The following EIF3D variants were observed in gnomAD, a reference collection of about 807,000 sequenced individuals.
The protein encoded by EIF3D is eukaryotic translation initiation factor 3 subunit D.
EIF3D carries 10 observed loss-of-function variants against 75.4 expected under a neutral mutation model. That is an observed-to-expected ratio of 0.13 (90% CI 0.08 to 0.22). EIF3D has a LOEUF of 0.22. EIF3D is among the 10% of genes least tolerant of loss of function. The pLI is 1.00. For synonymous variants in EIF3D, 246 were observed against 248.3 expected (o/e 0.99, Z 0.09); for missense variants, 394 against 708.0 (o/e 0.56, Z 5.03).
In EIF3D at chr22:36,527,322, GC is replaced by G. The variant is rs1934620772; in HGVS notation, c.-10-1192del. Among the ~76,000 whole-genome samples the G allele has an allele frequency of 2.0e-5, 3 of 152,322 alleles. No homozygotes were observed. The South Asian group carries it at 6.2e-4, about 32-fold the overall frequency. The stretch of plus-strand genomic sequence containing the variant: ...CAAAGCACAGAGAAATGAAGAAATT[GC>G]CCAAAGTTGAAATGCTAGTGGATGA... On this transcript the variant is annotated intron_variant, in intron 1 of 14. Coordinates refer to ENST00000216190, the MANE Select transcript of EIF3D (RefSeq NM_003753.4).
In EIF3D at chr22:36,510,929, G is replaced by A; in HGVS notation, c.*58C>T. ...GCAAGTTAGACACACATTCCACTAA[G>A]CATCAAAGGCCCTCGTAGTCTCGGT... On this transcript the variant is annotated 3_prime_UTR_variant, in exon 15 of 15. Coordinates refer to ENST00000216190, the MANE Select transcript of EIF3D (RefSeq NM_003753.4). 6.4e-7 allele frequency: 1 copy of A among 1,556,890 alleles called. No individual in the cohort carries two copies.
intron 6 of EIF3D, among the ~76,000 whole-genome samples, chr22:36,521,539 T>C (rs762483122): frequency 5.9e-5 from 9 of 152,052 alleles, no homozygotes; most frequent in Non-Finnish European, 1.2e-4. Flanking sequence ...AGTCAAAAAG[T>C]GAAAAACAAC....
chr22:36,515,453 G>A (rs944592226), intron 12 of EIF3D, among the ~76,000 whole-genome samples: 4 of 152,122 alleles, frequency 2.6e-5, no homozygotes, highest in African/African-American at 7.2e-5. Flanking sequence ...GCTTGAGCCC[G>A]GGAGGTAGAG....
At chr22:36,514,367 G>A (rs541215600) in intron 12 of EIF3D, among the ~76,000 whole-genome samples, 6 of 152,198 alleles carry the variant, frequency 3.9e-5, no homozygotes, top group South Asian at 2.1e-4. Context: ...CCTTGACTAC[G>A]GGCAGAACCT....
chr22:36,521,648 T>A (rs571996889), intron 6 of EIF3D, among the ~76,000 whole-genome samples: 2 of 151,908 alleles, frequency 1.3e-5, no homozygotes, highest in African/African-American at 4.8e-5. Context: ...TCATCTGGGC[T>A]GGGTGTGGTG....
intron 12 of EIF3D, among the ~76,000 whole-genome samples, chr22:36,513,545 C>T (rs565797463): frequency 2.0e-5 from 3 of 152,242 alleles, no homozygotes; most frequent in African/African-American, 7.2e-5. Context: ...TCAGGTGATC[C>T]ACTCGCCCCG....
intron 13 of EIF3D, among the ~76,000 whole-genome samples, 169 bp downstream of exon 13, chr22:36,512,291 T>G (rs1246593125): frequency 6.6e-6 from 1 of 152,366 alleles, no homozygotes; most frequent in East Asian, 1.9e-4. Flanking sequence ...CCATTCAGCA[T>G]GCCTGCTGTT....
At chr22:36,511,821 G>A in intron 13 of EIF3D, 35 bp from the exon 14 acceptor site, 2 of 1,596,834 alleles carry the variant, frequency 1.3e-6, no homozygotes, top group Non-Finnish European at 1.7e-6. Context: ...GTCAGAGCAG[G>A]GCAGCACAGA....
At chr22:36,515,894 C>T (rs1056864391) in intron 12 of EIF3D, among the ~76,000 whole-genome samples, 2 of 7,558 alleles carry the variant, frequency 2.6e-4, no homozygotes, top group Non-Finnish European at 5.1e-4. Flanking sequence ...GTGATGTGGG[C>T]GGGGGGGCGG....
intron 2 of EIF3D, 50 bp from the exon 3 acceptor site, chr22:36,525,759 T>C: frequency 6.3e-7 from 1 of 1,594,400 alleles, no homozygotes; most frequent in East Asian, 2.2e-5. Flanking sequence ...CCAGGCAAGT[T>C]TCTGCAGAAC....
At chr22:36,520,498 G>A in intron 7 of EIF3D, 78 bp downstream of exon 7, 1 of 995,190 alleles carries the variant, frequency 1.0e-6, no homozygotes. Context: ...GGAAATACTA[G>A]GGCTTAAGAA....
In EIF3D at chr22:36,516,527, C is replaced by G; in HGVS notation, c.1157G>C (p.Gly386Ala). 2 of 1,614,118 alleles carry G rather than the reference C, an allele frequency of 1.2e-6. No homozygotes were observed. The highest frequency in any genetic ancestry group is 8.5e-7 in the Non-Finnish European group (1 of 1,180,018). The change falls in exon 12 of 15, where the codon GGG becomes GCG. Residue 386 changes from glycine (G) to alanine (A), a missense_variant. Coordinates refer to ENST00000216190, the MANE Select transcript of EIF3D (RefSeq NM_003753.4). ...EHDGVMTGAN[G>A]EVSFINIKTL... ...CTTGATGTTGATGAAGGACACTTCC[C>G]CGTTGGCTCCAGTCATGACGCCATC...
At chr22:36,515,787 C>T (rs140866318) in intron 12 of EIF3D, among the ~76,000 whole-genome samples, 5 of 151,782 alleles carry the variant, frequency 3.3e-5, no homozygotes, top group African/African-American at 4.8e-5. Flanking sequence ...GACACAGGCA[C>T]GACGGCCCTG....
rs764305977 is a variant in EIF3D, at chr22:36,526,062, C to A, written c.60G>T (p.Ala20=). 1 of 1,613,614 alleles carries A rather than the reference C, an allele frequency of 6.2e-7. No homozygotes were observed. Among genetic ancestry groups the A allele is most frequent in the Non-Finnish European group, 8.5e-7 (1 of 1,179,746 alleles). Residue 20 remains alanine (A), a synonymous_variant, in exon 2 of 15, where the codon GCG becomes GCT. Transcript: ENST00000216190. Reference sequence around the variant, plus strand: ...GCATATCCCGAAACTGCTCGGGAACCGCACAGGGACCCCAGCCTGAGGGGT... The same window carrying A: ...GCATATCCCGAAACTGCTCGGGAACAGCACAGGGACCCCAGCCTGAGGGGT... The part of the protein sequence containing the change: ...QDNPSGWGPC[A]VPEQFRDMPY...
At chr22:36,511,887 A>AT (rs1275208358) in intron 13 of EIF3D, 101 bp from the exon 14 acceptor site, 8 of 1,330,386 alleles carry the variant, frequency 6.0e-6, no homozygotes, top group Admixed American at 6.7e-5. Context: ...GTCCACTGCT[A>AT]TTTTTTCTTT....
At chr22:36,522,863 C>G (rs1418046540) in intron 6 of EIF3D, among the ~76,000 whole-genome samples, 2 of 152,200 alleles carry the variant, frequency 1.3e-5, no homozygotes, top group Non-Finnish European at 2.9e-5. Flanking sequence ...CTTTTTCTGC[C>G]ATGCTATCAA....
intron 12 of EIF3D, among the ~76,000 whole-genome samples, chr22:36,514,583 G>T (rs1934394920): frequency 6.6e-6 from 1 of 152,192 alleles, no homozygotes; most frequent in Non-Finnish European, 1.5e-5. Context: ...CTGATGTGCT[G>T]TTGCTATCTT....
Position 36,520,692 on chromosome 22 carries a change from C to T in EIF3D, c.466-4G>A. On this transcript the variant is annotated splice_polypyrimidine_tract_variant and splice_region_variant and intron_variant, in intron 6 of 14. Coordinates refer to ENST00000216190, the MANE Select transcript of EIF3D (RefSeq NM_003753.4). ...CAACTGAAGAGTCTCGGGGTTTCTGCAGTTGAAAACCATTAGAGGAAAAAA... is the reference window on the plus strand; with the variant it reads ...CAACTGAAGAGTCTCGGGGTTTCTGTAGTTGAAAACCATTAGAGGAAAAAA... 1.2e-6 allele frequency: 2 copies of T among 1,601,356 alleles called. No homozygotes were observed. The highest frequency in any genetic ancestry group is 1.7e-6 in the Non-Finnish European group (2 of 1,170,644).
intron 12 of EIF3D, among the ~76,000 whole-genome samples, chr22:36,513,634 C>T (rs982401349): frequency 6.6e-6 from 1 of 152,106 alleles, no homozygotes; most frequent in African/African-American, 2.4e-5. Context: ...AGGGTCAAAC[C>T]ATGTATTAGT....
Sources: allele counts gnomAD v4.1 joint callset (sites outside exome capture counted in the v4.1 genomes callset), GRCh38; gene constraint gnomAD v4.1.1; transcripts MANE v1.5; gene names NCBI Gene and HGNC (gene_info 2026-07-23, HGNC 2026-07-21).